ACVR1: variants seen among roughly 807,000 people sequenced by gnomAD.
ACVR1 encodes the protein activin receptor type-1.
Under a neutral mutation model 57.1 loss-of-function variants are expected in ACVR1, and 38 were observed. That is an observed-to-expected ratio of 0.67 (90% CI 0.51 to 0.87). The LOEUF (loss-of-function observed/expected upper bound fraction) is 0.87, where lower values mean the gene tolerates loss of function less well. Among genes scored for constraint, ACVR1 ranks in the 40% least tolerant of loss-of-function variants. The pLI is 0.00. For synonymous variants in ACVR1, 212 were observed against 228.1 expected (o/e 0.93, Z 0.63); for missense variants, 463 against 638.2 (o/e 0.73, Z 2.96).
intron 9 of ACVR1, among the ~76,000 whole-genome samples, chr2:157,747,132 T>C (rs1684996861): frequency 6.6e-6 from 1 of 152,222 alleles, no homozygotes; most frequent in South Asian, 2.1e-4. Context: ...TATTCATATA[T>C]TTAAATGAGA....
At chr2:157,860,015 C>G (rs923784258) in intron 1 of ACVR1, 6 of 152,136 alleles carry the variant, frequency 3.9e-5, no homozygotes, top group African/African-American at 1.4e-4. Context: ...ACCCCATACC[C>G]CAAGGGCCAA....
At chr2:157,857,922 T>C (rs1689590402) in intron 1 of ACVR1, among the ~76,000 whole-genome samples, 1 of 152,172 alleles carries the variant, frequency 6.6e-6, no homozygotes, top group Non-Finnish European at 1.5e-5. Flanking sequence ...CTTGTAATTT[T>C]TTCTTCCTTG....
At chr2:157,768,720 A>C (rs928709499) in intron 7 of ACVR1, among the ~76,000 whole-genome samples, 3 of 152,186 alleles carry the variant, frequency 2.0e-5, no homozygotes, top group Non-Finnish European at 4.4e-5. Flanking sequence ...TTTTGAGTAC[A>C]AAACTGTGGT....
intron 1 of ACVR1, among the ~76,000 whole-genome samples, chr2:157,837,069 C>CT (rs980803228): frequency 1.1e-4 from 16 of 152,202 alleles, no homozygotes; most frequent in African/African-American, 3.9e-4. Flanking sequence ...TACCTACTTC[C>CT]TAATATACAT....
chr2:157,831,446 T>C (rs2105344937), intron 1 of ACVR1, among the ~76,000 whole-genome samples: 1 of 152,332 alleles, frequency 6.6e-6, no homozygotes, highest in South Asian at 2.1e-4. Context: ...CCAGAAGTCT[T>C]GAGATGCCAA....
In ACVR1 at chr2:157,784,462, T is replaced by C. The variant is rs1686640048; in HGVS notation, c.68-3862A>G. Among the ~76,000 whole-genome samples the C allele has an allele frequency of 2.0e-5, 3 of 152,264 alleles. No homozygotes were observed. The South Asian group carries it at 6.2e-4, about 32-fold the overall frequency. ...GTCTACTCCACCTAATTGACATTCA[T>C]TTGAATAATTCAGTAATTTAAATGT... On this transcript the variant is annotated intron_variant, in intron 3 of 10. Transcript: ENST00000434821.
chr2:157,856,630 T>C lies in ACVR1; in HGVS notation c.-183+19166A>G, dbSNP rs569886083. 2.0e-5 allele frequency among the ~76,000 whole-genome samples: 3 copies of C among 152,324 alleles called. No homozygotes were observed. The South Asian group carries it at 6.2e-4, about 32-fold the overall frequency. On this transcript the variant is annotated intron_variant, in intron 1 of 10. Coordinates refer to ENST00000434821, the MANE Select transcript of ACVR1 (RefSeq NM_001111067.4). ...TGGACTTGAGCTTTGTTACAGGGGC[T>C]AGTTCATTTTCAGGTCCTTCCATGC...
chr2:157,853,337 C>A (rs1689390954), intron 1 of ACVR1, among the ~76,000 whole-genome samples: 1 of 152,142 alleles, frequency 6.6e-6, no homozygotes. Flanking sequence ...ACAGGGGCAG[C>A]CTTCTTGCTG....
chr2:157,750,569 G>T (rs1017938941), intron 9 of ACVR1, among the ~76,000 whole-genome samples: 1 of 151,624 alleles, frequency 6.6e-6, no homozygotes, highest in South Asian at 2.1e-4. Flanking sequence ...AAACCAAAGC[G>T]CCCTACCAAC....
chr2:157,777,723 A>G (rs61418652), intron 5 of ACVR1, among the ~76,000 whole-genome samples: 2,419 of 152,320 alleles, frequency 0.016, 81 homozygotes, highest in African/African-American at 0.055. Flanking sequence ...GGATGCTGAA[A>G]TAATCTAGAA....
At chr2:157,866,679 G>A (rs573856155) in intron 1 of ACVR1, among the ~76,000 whole-genome samples, 1 of 152,294 alleles carries the variant, frequency 6.6e-6, no homozygotes, top group South Asian at 2.1e-4. Flanking sequence ...AGATACAGGT[G>A]TCACCCATCA....
chr2:157,828,963 TC>T (rs1407343970), intron 1 of ACVR1, among the ~76,000 whole-genome samples: 1 of 152,070 alleles, frequency 6.6e-6, no homozygotes, highest in African/African-American at 2.4e-5. Flanking sequence ...GATGGGGGTT[TC>T]CCCATGTTGG....
At chr2:157,745,855 G>C (rs895657664) in intron 9 of ACVR1, among the ~76,000 whole-genome samples, 1 of 152,184 alleles carries the variant, frequency 6.6e-6, no homozygotes, top group Non-Finnish European at 1.5e-5. Context: ...CTTAGGAGCA[G>C]AAGCACAAGC....
intron 1 of ACVR1, chr2:157,826,555 AG>A (rs1307191947): frequency 1.3e-5 from 2 of 148,878 alleles, no homozygotes; most frequent in Non-Finnish European, 3.0e-5. Flanking sequence ...CATGAGGGCG[AG>A]GGGGGAAGGA....
chr2:157,805,349 C>A (rs974724104), intron 2 of ACVR1, among the ~76,000 whole-genome samples: 1 of 152,180 alleles, frequency 6.6e-6, no homozygotes, highest in Non-Finnish European at 1.5e-5. Flanking sequence ...TTCTAACAAT[C>A]TGTGAATTAG....
At chr2:157,770,623 G>C (rs1172437348) in intron 6 of ACVR1, 109 bp from the exon 7 acceptor site, 1 of 1,100,524 alleles carries the variant, frequency 9.1e-7, no homozygotes, top group Non-Finnish European at 1.4e-6. Context: ...TCCCTCCATT[G>C]CTTACTGGAG....
intron 1 of ACVR1, among the ~76,000 whole-genome samples, chr2:157,824,323 C>A (rs1375738497): frequency 6.6e-6 from 1 of 152,044 alleles, no homozygotes; most frequent in Non-Finnish European, 1.5e-5. Context: ...TAAAAATTAG[C>A]CTGGCATGGT....
chr2:157,798,527 GGGT>G (rs146752277), intron 3 of ACVR1, among the ~76,000 whole-genome samples: 1,528 of 118,892 alleles, frequency 0.013, 32 homozygotes, highest in African/African-American at 0.045. Context: ...TTTTTGGAGG[GGGT>G]GGGGGGTGGG....
chr2:157,847,054 A>T (rs1689146494), intron 1 of ACVR1, among the ~76,000 whole-genome samples: 1 of 152,232 alleles, frequency 6.6e-6, no homozygotes, highest in Admixed American at 6.5e-5. Flanking sequence ...GAAATAAGCT[A>T]AAACAGAAAA....
Sources: allele counts gnomAD v4.1 joint callset (sites outside exome capture counted in the v4.1 genomes callset), GRCh38; gene constraint gnomAD v4.1.1; transcripts MANE v1.5; gene names NCBI Gene and HGNC (gene_info 2026-07-23, HGNC 2026-07-21).